The following MAP3K3 variants were observed in gnomAD, a reference collection of about 807,000 sequenced individuals.
MAP3K3 encodes mitogen-activated protein kinase kinase kinase 3, also known as MAP/ERK kinase kinase 3.
A neutral mutation model predicts 80.9 loss-of-function variants in MAP3K3; 12 were observed. The ratio of observed to expected loss-of-function variants is 0.15; its 90% CI spans 0.10 to 0.24. The LOEUF is 0.24. Ranked by LOEUF, MAP3K3 falls within the 10% of genes least tolerant of loss-of-function variation. The pLI is 1.00. For synonymous variants in MAP3K3, 272 were observed against 307.1 expected, an observed-to-expected ratio of 0.89 and a Z score of 1.19; for missense variants, 596 against 834.7, an observed-to-expected ratio of 0.71 and a Z score of 3.52.
At chr17:63,662,650 A>ATTTTTTTTT (rs1192833142) in intron 5 of MAP3K3, among the ~76,000 whole-genome samples, 1 of 82,566 alleles carries the variant, frequency 1.2e-5, no homozygotes, top group Non-Finnish European at 2.2e-5. Context: ...AGAAGAGGGA[A>ATTTTTTTTT]TTTTTTTTTT....
chr17:63,653,901 C>T (rs929882080), intron 4 of MAP3K3, among the ~76,000 whole-genome samples: 2 of 152,136 alleles, frequency 1.3e-5, no homozygotes, highest in African/African-American at 4.8e-5. Flanking sequence ...GAGTCTTGCT[C>T]TGTCGCCCAT....
chr17:63,632,565 C>A, intron 1 of MAP3K3, 116 bp from the exon 2 acceptor site: 2 of 1,146,916 alleles, frequency 1.7e-6, no homozygotes, highest in South Asian at 1.4e-5. Flanking sequence ...ATTATAGTTA[C>A]AGGGTCTGTC....
intron 7 of MAP3K3, among the ~76,000 whole-genome samples, chr17:63,683,827 G>A (rs2035390563): frequency 6.6e-6 from 1 of 152,188 alleles, no homozygotes. Flanking sequence ...AGCAAAGCAT[G>A]ATTCATGTTA....
chr17:63,685,240 A>G (rs1474787802), intron 7 of MAP3K3, among the ~76,000 whole-genome samples: 2 of 152,226 alleles, frequency 1.3e-5, no homozygotes, highest in African/African-American at 4.8e-5. Flanking sequence ...TAATGAGCCA[A>G]GAACATGCCA....
At chr17:63,684,648 T>A (rs1018058124) in intron 7 of MAP3K3, among the ~76,000 whole-genome samples, 24 of 152,156 alleles carry the variant, frequency 1.6e-4, no homozygotes, top group African/African-American at 2.7e-4. Flanking sequence ...TGTAATTTTT[T>A]AAAATTAATT....
chr17:63,640,263 C>T (rs2034413283), intron 2 of MAP3K3, among the ~76,000 whole-genome samples: 1 of 152,100 alleles, frequency 6.6e-6, no homozygotes, highest in Non-Finnish European at 1.5e-5. Context: ...TGCACTCCAG[C>T]CTGGGCAACA....
intron 5 of MAP3K3, among the ~76,000 whole-genome samples, chr17:63,658,881 C>G (rs1035565692): frequency 6.6e-6 from 1 of 151,952 alleles, no homozygotes; most frequent in Non-Finnish European, 1.5e-5. Context: ...ATTATAGGTG[C>G]CCGCCACCAT....
chr17:63,655,763 G>C (rs2034753320), intron 4 of MAP3K3, among the ~76,000 whole-genome samples: 1 of 152,066 alleles, frequency 6.6e-6, no homozygotes, highest in South Asian at 2.1e-4. Context: ...TAGGATTACA[G>C]GTGTGAGCCA....
chr17:63,642,450 A>G (rs2034461283), intron 2 of MAP3K3, among the ~76,000 whole-genome samples: 1 of 152,088 alleles, frequency 6.6e-6, no homozygotes, highest in African/African-American at 2.4e-5. Context: ...ACTTGAGGTC[A>G]AGAGTTCAAG....
chr17:63,681,896 G>T lies in MAP3K3; in HGVS notation c.633G>T (p.Gln211His), dbSNP rs749850994. ...AGTTCATCCCAGAGACCAGCGAGCA[G>T]TGCGTGAGTATAGGGGGGCTGGGAT... ...EGEFIPETSE[Q>H]CMLDPLSSAE... is the part of the protein sequence containing the mutation. Residue 211 changes from glutamine (Q) to histidine (H), a missense_variant, in exon 7 of 16, where the codon CAG becomes CAT. By Grantham distance (24) the Gln-to-His change is conservative. This residue lies in a region of MAP3K3 where 364 missense variants were observed against 588.9 expected (regional missense o/e 0.62). Coordinates refer to ENST00000361733, the MANE Select transcript of MAP3K3 (RefSeq NM_002401.5). 8.9e-6 allele frequency: 13 copies of T among 1,460,934 alleles called. No homozygotes were observed. The South Asian group carries it at 1.2e-4, about 13-fold the overall frequency. 90.5% of individuals were successfully genotyped at this position (1,460,934 alleles called of 1,614,324 possible).
chr17:63,655,180 C>T (rs1260422845), intron 4 of MAP3K3, among the ~76,000 whole-genome samples: 2 of 152,082 alleles, frequency 1.3e-5, no homozygotes, highest in African/African-American at 4.8e-5. Context: ...CACATGGCGA[C>T]AGGAGAGAGA....
At chr17:63,656,947 C>T (rs2034783130) in intron 4 of MAP3K3, among the ~76,000 whole-genome samples, 1 of 152,052 alleles carries the variant, frequency 6.6e-6, no homozygotes, top group Non-Finnish European at 1.5e-5. Flanking sequence ...CATATGGCGA[C>T]AGGAGAGAGA....
At chr17:63,659,745 C>G (rs1044308271) in intron 5 of MAP3K3, among the ~76,000 whole-genome samples, 1 of 151,962 alleles carries the variant, frequency 6.6e-6, no homozygotes, top group African/African-American at 2.4e-5. Flanking sequence ...GTTGGCCAGA[C>G]TGGTCTTGAA....
chr17:63,634,596 G>T (rs1457455132), intron 2 of MAP3K3: 2 of 858,246 alleles, frequency 2.3e-6, no homozygotes, highest in Admixed American at 4.7e-5. Flanking sequence ...CTGTTAGGAA[G>T]TAATCTTAAC....
chr17:63,631,103 A>G (rs1178811800), intron 1 of MAP3K3, among the ~76,000 whole-genome samples: 2 of 152,170 alleles, frequency 1.3e-5, no homozygotes, highest in Non-Finnish European at 2.9e-5. Context: ...CCTGGGCAAC[A>G]TGGTGAAACC....
At chr17:63,652,259 T>G (rs2034671551) in intron 3 of MAP3K3, among the ~76,000 whole-genome samples, 1 of 152,126 alleles carries the variant, frequency 6.6e-6, no homozygotes, top group African/African-American at 2.4e-5. Flanking sequence ...TGGAACATAG[T>G]TTTTAAATCT....
chr17:63,663,487 C>A (rs1463876662), intron 5 of MAP3K3, among the ~76,000 whole-genome samples: 2 of 147,288 alleles, frequency 1.4e-5, no homozygotes, highest in Non-Finnish European at 3.0e-5. Context: ...GGGCGATGAG[C>A]GAAACTCCGT....
intron 8 of MAP3K3, among the ~76,000 whole-genome samples, chr17:63,686,448 G>T (rs74676991): frequency 0.01 from 1,558 of 152,322 alleles, 58 homozygotes; most frequent in Admixed American, 0.072. Context: ...AACCAGGGGA[G>T]TAAGAAGGCA....
At chr17:63,647,781 A>G (rs2034569090) in intron 3 of MAP3K3, among the ~76,000 whole-genome samples, 1 of 152,200 alleles carries the variant, frequency 6.6e-6, no homozygotes. Context: ...AGTTTCGTGT[A>G]TTTCACGTCA....
Sources: gnomAD v4.1 joint callset for allele counts (sites outside exome capture counted in the v4.1 genomes callset) on GRCh38, gnomAD v4.1.1 for gene constraint, gnomAD v4.1.1 regional missense constraint, MANE v1.5 for transcripts, NCBI Gene and HGNC (gene_info 2026-07-23, HGNC 2026-07-21) for gene names.